DROSHA: variants seen among roughly 807,000 people sequenced by gnomAD.
The protein encoded by DROSHA is ribonuclease 3.
DROSHA carries 56 observed loss-of-function variants against 181.9 expected under a neutral mutation model. That is an observed-to-expected ratio of 0.31 (90% CI 0.25 to 0.38). The LOEUF (loss-of-function observed/expected upper bound fraction) is 0.38, where lower values mean the gene tolerates loss of function less well. Among genes scored for constraint, DROSHA ranks in the 10% least tolerant of loss-of-function variants. The pLI, the probability that DROSHA is intolerant of heterozygous loss-of-function variation, is 1.00. For synonymous variants in DROSHA, 524 were observed against 591.2 expected (o/e 0.89, Z 1.65); for missense variants, 1,218 against 1,743.5 (o/e 0.70, Z 5.37).
chr5:31,456,507 C>G (rs983377469), intron 20 of DROSHA, among the ~76,000 whole-genome samples: 1 of 151,376 alleles, frequency 6.6e-6, no homozygotes, highest in South Asian at 2.1e-4. Context: ...CACACACACA[C>G]AGAGAGAGGA....
At chr5:31,507,903 C>T (rs780062212) in intron 10 of DROSHA, among the ~76,000 whole-genome samples, 6 of 151,928 alleles carry the variant, frequency 3.9e-5, no homozygotes, top group Non-Finnish European at 8.8e-5. Flanking sequence ...GCCAGACGTT[C>T]TATAAAAAAA....
chr5:31,461,875 T>C (rs1177838746), intron 20 of DROSHA, among the ~76,000 whole-genome samples: 1 of 152,064 alleles, frequency 6.6e-6, no homozygotes, highest in Admixed American at 6.6e-5. Context: ...GTTAACAATT[T>C]ACTTTCACAA....
intron 20 of DROSHA, among the ~76,000 whole-genome samples, chr5:31,454,758 G>T (rs1747436710): frequency 6.6e-6 from 1 of 151,872 alleles, no homozygotes; most frequent in Non-Finnish European, 1.5e-5. Context: ...GGCTAACATG[G>T]TGAGACCCCG....
At chr5:31,503,716 AT>A (rs1266557942) in intron 11 of DROSHA, among the ~76,000 whole-genome samples, 1 of 152,184 alleles carries the variant, frequency 6.6e-6, no homozygotes, top group African/African-American at 2.4e-5. Context: ...CCTCGTCAAC[AT>A]CTCAGAGCTC....
At chr5:31,493,418 CT>C in intron 12 of DROSHA, 125 bp from the exon 13 acceptor site, 1 of 739,264 alleles carries the variant, frequency 1.4e-6, no homozygotes, top group Non-Finnish European at 2.1e-6. Context: ...CCAGGGAGAA[CT>C]TTATACAAAG....
intron 34 of DROSHA, 46 bp from the exon 35 acceptor site, chr5:31,405,769 T>A (rs1261841125): frequency 3.4e-5 from 22 of 643,558 alleles, no homozygotes; most frequent in East Asian, 7.5e-5. Flanking sequence ...TCAAGATTCT[T>A]TTTTTTTTTT....
intron 11 of DROSHA, 107 bp downstream of exon 11, chr5:31,504,448 A>G (rs1298350591): frequency 2.4e-6 from 3 of 1,254,596 alleles, no homozygotes; most frequent in Non-Finnish European, 3.4e-6. Context: ...GGGAATATGA[A>G]GAGAATTTTG....
chr5:31,463,474 G>A (rs935658833), intron 20 of DROSHA, among the ~76,000 whole-genome samples: 1 of 152,154 alleles, frequency 6.6e-6, no homozygotes, highest in African/African-American at 2.4e-5. Flanking sequence ...ATAAATGGAA[G>A]CCTGGAAGTA....
intron 20 of DROSHA, among the ~76,000 whole-genome samples, chr5:31,455,174 T>A (rs1747503846): frequency 6.6e-6 from 1 of 151,840 alleles, no homozygotes; most frequent in South Asian, 2.1e-4. Context: ...CAAAATCATA[T>A]CAGCCCAATG....
chr5:31,425,148 C>A (rs558550030), intron 27 of DROSHA, among the ~76,000 whole-genome samples: 2 of 151,868 alleles, frequency 1.3e-5, no homozygotes, highest in South Asian at 4.2e-4. Flanking sequence ...TACTTCCCGA[C>A]CTTGATATTA....
intron 6 of DROSHA, among the ~76,000 whole-genome samples, chr5:31,518,701 A>T (rs917765060): frequency 1.3e-5 from 2 of 152,218 alleles, no homozygotes; most frequent in African/African-American, 2.4e-5. Context: ...AGATATTAAC[A>T]TCCCCTACAA....
chr5:31,517,064 C>T (rs1739346506), intron 6 of DROSHA, among the ~76,000 whole-genome samples: 1 of 152,086 alleles, frequency 6.6e-6, no homozygotes, highest in Non-Finnish European at 1.5e-5. Flanking sequence ...TTAATCTTTG[C>T]CATTCTGATG....
Position 31,422,789 on chromosome 5 carries a change from G to A in DROSHA, c.3417C>T (p.Thr1139=). The change falls in exon 29 of 36, where the codon ACC becomes ACT. Residue 1139 remains threonine, a splice_region_variant and synonymous_variant. Coordinates refer to ENST00000344624, the MANE Select transcript of DROSHA (RefSeq NM_001382508.1). ...CTACATGAGAACTTTTAACTCACAG[G>A]GTCAGATGGTTAAATCCCACAGTTC... ...TLRTVGFNHL[T]LGHNQRMEFL... is the part of the protein sequence containing the mutation. The A allele has an allele frequency of 6.2e-7, 1 of 1,613,426 alleles. No homozygotes were observed. Among genetic ancestry groups the A allele is most frequent in the Non-Finnish European group, 8.5e-7 (1 of 1,179,628 alleles).
intron 6 of DROSHA, among the ~76,000 whole-genome samples, chr5:31,517,428 C>T (rs1739385043): frequency 6.6e-6 from 1 of 152,134 alleles, no homozygotes; most frequent in Non-Finnish European, 1.5e-5. Flanking sequence ...TTACTTTTAA[C>T]ACAATTTTTA....
At chr5:31,447,428 T>C (rs536082644) in intron 23 of DROSHA, among the ~76,000 whole-genome samples, 1 of 152,282 alleles carries the variant, frequency 6.6e-6, no homozygotes, top group East Asian at 1.9e-4. Context: ...ATCAACATAA[T>C]GCCTATCAAA....
At chr5:31,466,902 T>C (rs1042206946) in intron 18 of DROSHA, among the ~76,000 whole-genome samples, 8 of 152,216 alleles carry the variant, frequency 5.3e-5, no homozygotes, top group East Asian at 1.9e-4. Flanking sequence ...TAAAGGATAC[T>C]GTCAAAGCGT....
At chr5:31,446,232 G>A (rs1318177897) in intron 23 of DROSHA, among the ~76,000 whole-genome samples, 2 of 151,376 alleles carry the variant, frequency 1.3e-5, no homozygotes, top group Admixed American at 6.6e-5. Context: ...GGATCACAAG[G>A]TCAGGACATC....
intron 23 of DROSHA, among the ~76,000 whole-genome samples, chr5:31,439,555 A>T (rs1167480921): frequency 6.6e-6 from 1 of 152,204 alleles, no homozygotes; most frequent in Non-Finnish European, 1.5e-5. Context: ...GGTTTGGTGT[A>T]CAGACAGCAT....
intron 20 of DROSHA, among the ~76,000 whole-genome samples, chr5:31,451,958 C>G (rs889530185): frequency 5.3e-5 from 8 of 152,196 alleles, no homozygotes; most frequent in African/African-American, 1.9e-4. Flanking sequence ...AATATACCTA[C>G]TTCCGAGGAT....
Sources: allele counts gnomAD v4.1 joint callset (sites outside exome capture counted in the v4.1 genomes callset), GRCh38; gene constraint gnomAD v4.1.1; transcripts MANE v1.5; gene names NCBI Gene and HGNC (gene_info 2026-07-23, HGNC 2026-07-21).